The following SYNE2 variants were observed in gnomAD, a reference collection of about 807,000 sequenced individuals.
SYNE2 encodes the protein nesprin-2.
Under a neutral mutation model 856.3 loss-of-function variants are expected in SYNE2, and 431 were observed. The observed-to-expected ratio is 0.50, with a 90% CI of 0.47 to 0.55. The LOEUF (loss-of-function observed/expected upper bound fraction) is 0.55. Ranked by LOEUF, SYNE2 falls within the 20% of genes least tolerant of loss-of-function variation. The pLI is 0.00. For missense variants in SYNE2, 8,129 were observed against 8,023.2 expected, an observed-to-expected ratio of 1.01 and a Z score of -0.50; for synonymous variants, 2,923 against 2,872.3, an observed-to-expected ratio of 1.02 and a Z score of -0.56.
Position 63,942,138 on chromosome 14 carries a change from T to A in SYNE2, c.403T>A (p.Phe135Ile). ...CCTAATTTGGACAATTATCCTGCACTTTCATGTAAGTAGTTTGATGATATA... is the reference window on the plus strand; with the variant it reads ...CCTAATTTGGACAATTATCCTGCACATTCATGTAAGTAGTTTGATGATATA... ...LGLIWTIILH[F>I]HIEKLAQTLS... The change falls in exon 6 of 116, where the codon TTT (phenylalanine) becomes ATT (isoleucine). Residue 135 changes from phenylalanine (F) to isoleucine (I), a missense_variant. Coordinates refer to ENST00000555002, the MANE Select transcript of SYNE2 (RefSeq NM_182914.3). The A allele has an allele frequency of 6.4e-7, 1 of 1,573,772 alleles. No homozygotes were observed. Among genetic ancestry groups the A allele is most frequent in the Non-Finnish European group, 8.7e-7 (1 of 1,144,814 alleles).
chr14:63,971,205 G>A (rs1595949986), intron 11 of SYNE2, among the ~76,000 whole-genome samples: 3 of 150,582 alleles, frequency 2.0e-5, no homozygotes, highest in Admixed American at 2.0e-4. Context: ...TCTGCTTCCC[G>A]AGCTCAGTCA....
intron 96 of SYNE2, among the ~76,000 whole-genome samples, chr14:64,182,480 C>A (rs1392400028): frequency 3.3e-5 from 5 of 151,986 alleles, no homozygotes; most frequent in African/African-American, 1.2e-4. Flanking sequence ...GAGGGAAGGT[C>A]AGCAGATAAA....
intron 2 of SYNE2, among the ~76,000 whole-genome samples, chr14:63,913,613 C>T (rs891362694): frequency 2.0e-5 from 3 of 151,596 alleles, no homozygotes; most frequent in African/African-American, 4.8e-5. Flanking sequence ...CAGGTGCCTG[C>T]CACCACGTCT....
chr14:63,948,731 TGTGTATAG>T (rs1269046680), intron 6 of SYNE2, among the ~76,000 whole-genome samples: 3 of 84,846 alleles, frequency 3.5e-5, no homozygotes, highest in African/African-American at 6.8e-5. Context: ...TGTATATATA[TGTGTATAG>T]ATATGTGTGT....
At chr14:63,991,568 T>C (rs2096666631) in intron 21 of SYNE2, among the ~76,000 whole-genome samples, 1 of 152,238 alleles carries the variant, frequency 6.6e-6, no homozygotes, top group Non-Finnish European at 1.5e-5. Context: ...CATGGAAGCA[T>C]ACTTTTCTAT....
chr14:63,855,050 C>G (rs533735305), intron 1 of SYNE2, among the ~76,000 whole-genome samples: 1 of 152,292 alleles, frequency 6.6e-6, no homozygotes, highest in East Asian at 1.9e-4. Context: ...ACTGTGCTGG[C>G]TTCTGGAGAT....
chr14:64,205,579 C>T (rs59585349), intron 100 of SYNE2, among the ~76,000 whole-genome samples: 145 of 152,300 alleles, frequency 9.5e-4, no homozygotes, highest in African/African-American at 3.4e-3. Flanking sequence ...TAGCTAAGAG[C>T]CATGATGTCC....
chr14:63,879,730 T>C (rs1013564164), intron 1 of SYNE2, among the ~76,000 whole-genome samples: 1 of 152,226 alleles, frequency 6.6e-6, no homozygotes, highest in Non-Finnish European at 1.5e-5. Flanking sequence ...ACAAAAGTAT[T>C]TTTGCGTTTT....
chr14:64,033,485 C>G (rs558120598), intron 45 of SYNE2, among the ~76,000 whole-genome samples: 99 of 150,860 alleles, frequency 6.6e-4, no homozygotes, highest in Non-Finnish European at 1.2e-3. Flanking sequence ...TCAAGACCAG[C>G]CTGGGCAACA....
At chr14:63,929,804 G>C (rs1191906114) in intron 2 of SYNE2, among the ~76,000 whole-genome samples, 1 of 151,436 alleles carries the variant, frequency 6.6e-6, no homozygotes, top group Non-Finnish European at 1.5e-5. Flanking sequence ...TCTCTGTAGA[G>C]ATATTCGACT....
At chr14:63,975,614 G>T (rs2096536138) in intron 11 of SYNE2, among the ~76,000 whole-genome samples, 1 of 152,190 alleles carries the variant, frequency 6.6e-6, no homozygotes, top group South Asian at 2.1e-4. Flanking sequence ...GTTTATAGTT[G>T]TGAGCTACTG....
Position 64,052,348 on chromosome 14 carries a change from G to A in SYNE2, c.8435G>A (p.Arg2812Gln), listed in dbSNP as rs553109676. 61 of 1,614,042 alleles carry A rather than the reference G, an allele frequency of 3.8e-5. No homozygotes were observed. The East Asian group carries it at 6.0e-4, about 16-fold the overall frequency. Residue 2812 changes from arginine (R) to glutamine (Q), a missense_variant, in exon 48 of 116, where the codon CGG becomes CAG. Physicochemically the swap from Arg to Gln is conservative, Grantham distance 43. Coordinates refer to ENST00000555002, the MANE Select transcript of SYNE2 (RefSeq NM_182914.3). Reference sequence around the variant, plus strand: ...TTAAATAATACCCTAGAGGACTTACGGAATCAATACCAAATGCTGGTTTTA... The same window carrying A: ...TTAAATAATACCCTAGAGGACTTACAGAATCAATACCAAATGCTGGTTTTA... ...SDLNNTLEDL[R>Q]NQYQMLVLKS... is the part of the protein sequence containing the mutation.
intron 85 of SYNE2, among the ~76,000 whole-genome samples, chr14:64,152,938 A>C (rs749552915): frequency 6.6e-6 from 1 of 152,208 alleles, no homozygotes; most frequent in East Asian, 1.9e-4. Flanking sequence ...ACAGGCTGCA[A>C]ATCCACTTGG....
chr14:64,190,812 G>T (rs1249511821), intron 99 of SYNE2: 1 of 673,554 alleles, frequency 1.5e-6, no homozygotes, highest in East Asian at 2.7e-5. Context: ...AGCTATATTG[G>T]CCAGTGCAAT....
At chr14:64,071,798 C>G (rs781429439) in intron 52 of SYNE2, among the ~76,000 whole-genome samples, 1 of 152,128 alleles carries the variant, frequency 6.6e-6, no homozygotes, top group East Asian at 1.9e-4. Flanking sequence ...GGATGGATCA[C>G]CTGAGGTCAG....
At chr14:64,063,946 T>C (rs1220008315) in intron 50 of SYNE2, among the ~76,000 whole-genome samples, 1 of 152,158 alleles carries the variant, frequency 6.6e-6, no homozygotes, top group Admixed American at 6.5e-5. Context: ...AAAGTTTAAT[T>C]TATAAATTAA....
Position 64,076,096 on chromosome 14 carries a change from A to G in SYNE2, c.11018A>G (p.Glu3673Gly), listed in dbSNP as rs1331895308. The change falls in exon 54 of 116, where the codon GAG (glutamate) becomes GGG (glycine). Residue 3673 changes from glutamate to glycine, a missense_variant. Transcript: ENST00000555002. ...ECRKALEDID[E>G]KISNEVLKSS... is the part of the protein sequence containing the mutation. ...AGAAAAGCTTTAGAAGACATAGATG[A>G]GAAGGTAATAATAATGTCTGTACTA... 6.2e-7 allele frequency: 1 copy of G among 1,613,342 alleles called. No individual in the cohort carries two copies. The highest frequency in any genetic ancestry group is 1.3e-5 in the African/African-American group (1 of 74,900).
intron 99 of SYNE2, among the ~76,000 whole-genome samples, chr14:64,200,968 G>A (rs2139934157): frequency 6.6e-6 from 1 of 152,302 alleles, no homozygotes; most frequent in South Asian, 2.1e-4. Context: ...ACTTTGTGAG[G>A]TCCAATGCCT....
rs747840683 is a variant in SYNE2, at chr14:64,052,290, G to C, written c.8377G>C (p.Val2793Leu). ...GTTGGCTGAAGAGGTCAAAGATAAG[G>C]TTCCTAGCCTTACAACCTATGAGGG... ...ESLAEEVKDK[V>L]PSLTTYEGSD... Residue 2793 changes from valine to leucine, a missense_variant, in exon 48 of 116, where the codon GTT becomes CTT. By Grantham distance (32) the Val-to-Leu change is conservative. Transcript: ENST00000555002. 1.9e-6 allele frequency: 3 copies of C among 1,614,020 alleles called. No homozygotes were observed. The highest frequency in any genetic ancestry group is 2.5e-6 in the Non-Finnish European group (3 of 1,180,038).
Sources: gnomAD v4.1 joint callset for allele counts (sites outside exome capture counted in the v4.1 genomes callset) on GRCh38, gnomAD v4.1.1 for gene constraint, MANE v1.5 for transcripts, NCBI Gene and HGNC (gene_info 2026-07-23, HGNC 2026-07-21) for gene names.